The following SPOCK1 variants were observed in gnomAD, a reference collection of about 807,000 sequenced individuals.
SPOCK1 encodes SPARC (osteonectin), cwcv and kazal like domains proteoglycan 1, also known as testican-1.
Under a neutral mutation model 55.3 loss-of-function variants are expected in SPOCK1, and 23 were observed. That is an observed-to-expected ratio of 0.42 (90% CI 0.30 to 0.59). SPOCK1 has a LOEUF of 0.59. SPOCK1 is among the 20% of genes least tolerant of loss of function. The pLI, the probability that SPOCK1 is intolerant of heterozygous loss-of-function variation, is 0.22. For synonymous variants in SPOCK1, 226 were observed against 221.0 expected (o/e 1.02, Z -0.20); for missense variants, 499 against 552.5 (o/e 0.90, Z 0.97).
intron 6 of SPOCK1, among the ~76,000 whole-genome samples, chr5:137,058,903 A>G (rs1752344611): frequency 6.6e-6 from 1 of 152,206 alleles, no homozygotes; most frequent in Admixed American, 6.5e-5. Context: ...GGATCAGAGC[A>G]GCAAAAGATG....
chr5:137,454,921 ATATC>A (rs1753331370), intron 2 of SPOCK1, among the ~76,000 whole-genome samples: 1 of 152,226 alleles, frequency 6.6e-6, no homozygotes, highest in Admixed American at 6.5e-5. Context: ...TATGAAGCAT[ATATC>A]TATCTATCTG....
intron 6 of SPOCK1, among the ~76,000 whole-genome samples, chr5:137,013,593 T>C (rs1026358185): frequency 1.7e-4 from 26 of 152,344 alleles, no homozygotes; most frequent in African/African-American, 5.8e-4. Context: ...CTATGATCTA[T>C]GTGTAGTCCG....
chr5:137,426,321 T>C (rs75538467), intron 2 of SPOCK1, among the ~76,000 whole-genome samples: 7,406 of 152,286 alleles, frequency 0.049, 270 homozygotes, highest in African/African-American at 0.097. Context: ...GATTATCAAC[T>C]GCTTACTCCC....
intron 6 of SPOCK1, among the ~76,000 whole-genome samples, chr5:136,994,519 A>T (rs1751005264): frequency 6.6e-6 from 1 of 150,920 alleles, no homozygotes; most frequent in African/African-American, 2.4e-5. Flanking sequence ...GTAATTACTT[A>T]GTATGTGCCA....
intron 3 of SPOCK1, among the ~76,000 whole-genome samples, chr5:137,213,247 C>T (rs145022242): frequency 1.3e-5 from 2 of 152,264 alleles, no homozygotes; most frequent in Non-Finnish European, 2.9e-5. Context: ...ACAACTATCC[C>T]CATTTACTCA....
chr5:136,977,984 GTCTT>G lies in SPOCK1; in HGVS notation c.*666_*669del. ...TGTGTGTGCAAGGCACACACATACAGTCTTTCTGTACATGCATGCATATTTATGC... is the reference window on the plus strand; with the variant it reads ...TGTGTGTGCAAGGCACACACATACAGTCTGTACATGCATGCATATTTATGC... On this transcript the variant is annotated 3_prime_UTR_variant, in exon 11 of 11. Coordinates refer to ENST00000394945, the MANE Select transcript of SPOCK1 (RefSeq NM_004598.4). 2.5e-6 allele frequency: 1 copy of G among 398,848 alleles called. No individual in the cohort carries two copies. The allele number at this position is 398,848 out of a possible 1,614,324, so 24.7% of individuals were successfully genotyped here.
intron 6 of SPOCK1, among the ~76,000 whole-genome samples, chr5:136,999,079 G>A (rs767496408): frequency 5.9e-5 from 9 of 152,190 alleles, no homozygotes; most frequent in Admixed American, 1.3e-4. Context: ...GAGCTTTATA[G>A]GGCTTTAAGC....
chr5:137,488,835 T>G (rs1754116113), intron 2 of SPOCK1, among the ~76,000 whole-genome samples: 1 of 152,168 alleles, frequency 6.6e-6, no homozygotes, highest in Non-Finnish European at 1.5e-5. Flanking sequence ...GACGGTGCCC[T>G]CTGGAGTGTG....
At chr5:137,339,344 A>G (rs1171359182) in intron 2 of SPOCK1, among the ~76,000 whole-genome samples, 1 of 152,214 alleles carries the variant, frequency 6.6e-6, no homozygotes, top group Non-Finnish European at 1.5e-5. Context: ...GGATGGGCAC[A>G]TTTTCCTTGG....
intron 3 of SPOCK1, among the ~76,000 whole-genome samples, chr5:137,224,491 C>T (rs946424813): frequency 3.9e-5 from 6 of 152,094 alleles, no homozygotes; most frequent in South Asian, 4.1e-4. Flanking sequence ...GGAAAGGAAA[C>T]GGGTGTAAAA....
At chr5:137,195,595 G>A (rs969037890) in intron 3 of SPOCK1, among the ~76,000 whole-genome samples, 4 of 152,204 alleles carry the variant, frequency 2.6e-5, no homozygotes, top group Non-Finnish European at 5.9e-5. Flanking sequence ...TTGGCCACAG[G>A]CTACAGTAGG....
At chr5:137,260,541 A>G (rs996555429) in intron 3 of SPOCK1, among the ~76,000 whole-genome samples, 3 of 152,220 alleles carry the variant, frequency 2.0e-5, no homozygotes, top group African/African-American at 7.2e-5. Flanking sequence ...CAAATTAATG[A>G]TATGGTCACC....
At chr5:137,272,439 T>C (rs1261116978) in intron 2 of SPOCK1, among the ~76,000 whole-genome samples, 1 of 152,132 alleles carries the variant, frequency 6.6e-6, no homozygotes, top group Non-Finnish European at 1.5e-5. Context: ...ATCAAACTAT[T>C]ATAAGGTACA....
intron 2 of SPOCK1, among the ~76,000 whole-genome samples, chr5:137,496,904 C>A (rs1173136549): frequency 6.6e-6 from 1 of 152,122 alleles, no homozygotes; most frequent in African/African-American, 2.4e-5. Flanking sequence ...TAAAAGGCCC[C>A]AAATAGCTGT....
intron 6 of SPOCK1, among the ~76,000 whole-genome samples, chr5:137,045,265 G>A (rs1225209678): frequency 2.0e-5 from 2 of 99,284 alleles, no homozygotes; most frequent in African/African-American, 8.0e-5. Context: ...CACCAACAGT[G>A]TAAAAGTGTT....
intron 2 of SPOCK1, among the ~76,000 whole-genome samples, chr5:137,481,469 T>A (rs1451612965): frequency 6.6e-6 from 1 of 152,236 alleles, no homozygotes; most frequent in East Asian, 1.9e-4. Context: ...AATGATTATC[T>A]GCTTCCCTTG....
At chr5:137,311,827 C>T (rs768846707) in intron 2 of SPOCK1, among the ~76,000 whole-genome samples, 15 of 152,160 alleles carry the variant, frequency 9.9e-5, no homozygotes, top group Non-Finnish European at 1.9e-4. Context: ...AGTCTGTACC[C>T]AGTCTTTTGT....
chr5:137,068,218 TAC>T (rs1313993576), intron 5 of SPOCK1, among the ~76,000 whole-genome samples: 1 of 152,188 alleles, frequency 6.6e-6, no homozygotes, highest in Non-Finnish European at 1.5e-5. Flanking sequence ...ACCGCTGGAA[TAC>T]CACTCCTGGT....
intron 3 of SPOCK1, among the ~76,000 whole-genome samples, chr5:137,195,215 T>C (rs1351031223): frequency 6.6e-6 from 1 of 152,216 alleles, no homozygotes; most frequent in Non-Finnish European, 1.5e-5. Flanking sequence ...AGCCAACATA[T>C]GTAGACAGGT....
Sources: gnomAD v4.1 joint callset for allele counts (sites outside exome capture counted in the v4.1 genomes callset) on GRCh38, gnomAD v4.1.1 for gene constraint, MANE v1.5 for transcripts, NCBI Gene and HGNC (gene_info 2026-07-23, HGNC 2026-07-21) for gene names.